NBAS: variants seen among roughly 807,000 people sequenced by gnomAD.
NBAS encodes NBAS subunit of NRZ tethering complex.
Under a neutral mutation model 302.5 loss-of-function variants are expected in NBAS, and 219 were observed. The observed-to-expected ratio is 0.72, with a 90% CI of 0.65 to 0.81. The LOEUF (loss-of-function observed/expected upper bound fraction) is 0.81, where lower values mean the gene tolerates loss of function less well. Ranked by LOEUF, NBAS falls within the 30% of genes least tolerant of loss-of-function variation. The pLI, the probability that NBAS is intolerant of heterozygous loss-of-function variation, is 0.00. For missense variants in NBAS, 2,932 were observed against 2,841.6 expected (o/e 1.03, Z -0.72); for synonymous variants, 1,118 against 1,021.6 (o/e 1.09, Z -1.80).
At chr2:15,395,309 T>C (rs1306276295) in intron 27 of NBAS, among the ~76,000 whole-genome samples, 1 of 152,152 alleles carries the variant, frequency 6.6e-6, no homozygotes, top group African/African-American at 2.4e-5. Context: ...AAGGTAACTA[T>C]GCAGATTTGT....
chr2:15,048,439 T>C, the NBAS span, among the ~76,000 whole-genome samples: 19 of 152,198 alleles, frequency 1.2e-4, no homozygotes, highest in Admixed American at 2.6e-4. Context: ...TCTCCAAGGA[T>C]TGAAGTGCTA....
chr2:14,805,410 C>T, the NBAS span, among the ~76,000 whole-genome samples: 1 of 152,076 alleles, frequency 6.6e-6, no homozygotes, highest in African/African-American at 2.4e-5. Context: ...CATTATACAC[C>T]AGGATAAGGA....
At position 15,504,156 on chromosome 2, in the gene NBAS, C is replaced by T. The variant is rs781478922; in HGVS notation, c.943G>A (p.Gly315Arg). 1.2e-6 allele frequency: 2 copies of T among 1,613,116 alleles called. No individual in the cohort carries two copies. The highest frequency in any genetic ancestry group is 1.7e-6 in the Non-Finnish European group (2 of 1,179,348). ...MLSVKFYSRQ[G>R]QEQDGIFKMS... ...CCAATTTGTGTTACCTGTTCTTGTC[C>T]CTGGCGACTGTAAAACTTGACACTT... Residue 315 changes from glycine to arginine, a missense_variant, in exon 11 of 52, where the codon GGA (glycine) becomes AGA (arginine). Coordinates refer to ENST00000281513, the MANE Select transcript of NBAS (RefSeq NM_015909.4).
chr2:14,780,370 G>C, the NBAS span, among the ~76,000 whole-genome samples: 1 of 152,306 alleles, frequency 6.6e-6, no homozygotes, highest in African/African-American at 2.4e-5. Flanking sequence ...ATTCAGTCTG[G>C]AAGTTGATAC....
In NBAS at chr2:15,412,779, A is replaced by AG. The variant is rs575888942; in HGVS notation, c.2937+2766dup. On this transcript the variant is annotated intron_variant, in intron 25 of 51. Coordinates refer to ENST00000281513, the MANE Select transcript of NBAS (RefSeq NM_015909.4). ...CAAATGGAGCTGGGGAGAGCCATGA[A>AG]GGGGGGGCTCTTACACATCATTTGC... is the stretch of plus-strand genomic sequence containing the variant. Among the ~76,000 whole-genome samples the AG allele has an allele frequency of 5.3e-4, 81 of 152,260 alleles. 1 individual carries two copies. The highest frequency in any genetic ancestry group is 1.8e-3 in the African/African-American group (75 of 41,554).
At chr2:15,287,998 G>C (rs1416564634) in intron 41 of NBAS, among the ~76,000 whole-genome samples, 2 of 151,686 alleles carry the variant, frequency 1.3e-5, no homozygotes, top group Non-Finnish European at 2.9e-5. Context: ...GGCATCCCGA[G>C]CACCCAGCGT....
the NBAS span, among the ~76,000 whole-genome samples, chr2:14,928,130 C>T: frequency 6.6e-6 from 1 of 152,180 alleles, no homozygotes; most frequent in African/African-American, 2.4e-5. Flanking sequence ...TAATATGATG[C>T]TATTTCAGAA....
intron 38 of NBAS, among the ~76,000 whole-genome samples, chr2:15,317,118 G>A (rs1425987717): frequency 6.6e-6 from 1 of 152,168 alleles, no homozygotes; most frequent in African/African-American, 2.4e-5. Context: ...GTCTGGAGTG[G>A]ACCTCCAGCA....
intron 28 of NBAS, chr2:15,393,594 A>T: frequency 2.3e-6 from 1 of 433,190 alleles, no homozygotes; most frequent in Non-Finnish European, 4.8e-6. Flanking sequence ...TTTCATCCTT[A>T]GGTATTTGTC....
At chr2:15,432,200 A>T (rs755327248) in intron 21 of NBAS, among the ~76,000 whole-genome samples, 18 of 151,830 alleles carry the variant, frequency 1.2e-4, no homozygotes, top group Admixed American at 3.3e-4. Context: ...CTGCATTTAC[A>T]TATACTTTAT....
chr2:15,179,191 CCACCCCTTTTTCTGTGGTA>C, intron 50 of NBAS, 75 bp from the exon 51 acceptor site: 1 of 1,608,720 alleles, frequency 6.2e-7, no homozygotes, highest in East Asian at 2.2e-5. Flanking sequence ...CTGGATCATT[CCACCCCTTTTTCTGTGGTA>C]GCGTGTGTGT....
At chr2:15,235,660 A>G (rs961573465) in intron 45 of NBAS, among the ~76,000 whole-genome samples, 5 of 152,232 alleles carry the variant, frequency 3.3e-5, no homozygotes, top group Non-Finnish European at 7.3e-5. Flanking sequence ...TTTTAGAGAT[A>G]GATAGGGAGG....
chr2:15,463,578 T>C (rs547647283), intron 19 of NBAS, among the ~76,000 whole-genome samples: 14 of 152,218 alleles, frequency 9.2e-5, no homozygotes, highest in African/African-American at 3.4e-4. Context: ...ACTGCCTGGT[T>C]CATGGCTTTA....
chr2:14,808,697 A>C, the NBAS span, among the ~76,000 whole-genome samples: 1 of 152,244 alleles, frequency 6.6e-6, no homozygotes, highest in African/African-American at 2.4e-5. Context: ...AATTGGTACC[A>C]GTAGAGTGAG....
intron 23 of NBAS, among the ~76,000 whole-genome samples, chr2:15,419,091 T>C (rs988377405): frequency 6.6e-6 from 1 of 152,198 alleles, no homozygotes; most frequent in Non-Finnish European, 1.5e-5. Context: ...ATTGACTGAT[T>C]AGTTCACACA....
chr2:14,812,672 T>A, the NBAS span, among the ~76,000 whole-genome samples: 6 of 152,320 alleles, frequency 3.9e-5, no homozygotes, highest in South Asian at 6.2e-4. Context: ...TTTCAAATAT[T>A]CACATGCACT....
the NBAS span, among the ~76,000 whole-genome samples, chr2:15,117,854 G>A: frequency 3.7e-3 from 558 of 152,206 alleles, 8 homozygotes; most frequent in Non-Finnish European, 2.5e-3. Context: ...ATTTTCCCAA[G>A]GCCCCTCCTC....
chr2:15,508,059 C>A (rs1661957346), intron 10 of NBAS, among the ~76,000 whole-genome samples: 1 of 152,156 alleles, frequency 6.6e-6, no homozygotes, highest in Non-Finnish European at 1.5e-5. Flanking sequence ...AATCCCATAA[C>A]CTCAAATTAT....
In NBAS at chr2:15,379,073, G is replaced by A. The variant is rs559932914; in HGVS notation, c.3590+529C>T. ...AACACACCTTTCTAGTGTTAAATAAGAGGGGTGAGCTAAAATAGGAGTACA... is the reference window on the plus strand; with the variant it reads ...AACACACCTTTCTAGTGTTAAATAAAAGGGGTGAGCTAAAATAGGAGTACA... On this transcript the variant is annotated intron_variant, in intron 30 of 51. Transcript: ENST00000281513. Among the ~76,000 whole-genome samples, 5 of 152,188 alleles carry A rather than the reference G, an allele frequency of 3.3e-5. No homozygotes were observed. The South Asian group carries it at 6.2e-4, about 19-fold the overall frequency.
Sources: allele counts gnomAD v4.1 joint callset (sites outside exome capture counted in the v4.1 genomes callset), GRCh38; gene constraint gnomAD v4.1.1; transcripts MANE v1.5; gene names NCBI Gene and HGNC (gene_info 2026-07-23, HGNC 2026-07-21).